MBD5: variants seen among roughly 807,000 people sequenced by gnomAD.
MBD5 encodes methyl-CpG-binding domain protein 5.
In MBD5, 13 loss-of-function variants were observed where a neutral mutation model predicts 117.3. The ratio of observed to expected loss-of-function variants is 0.11; its 90% confidence interval spans 0.07 to 0.18. The LOEUF (loss-of-function observed/expected upper bound fraction) is 0.18, where lower values mean the gene tolerates loss of function less well. Ranked by LOEUF, MBD5 falls within the 10% of genes least tolerant of loss-of-function variation. The pLI, the probability that MBD5 is intolerant of heterozygous loss-of-function variation, is 1.00. For synonymous variants in MBD5, 727 were observed against 766.4 expected (o/e 0.95, Z 0.85); for missense variants, 1,879 against 2,093.8 (o/e 0.90, Z 2.00).
intron 2 of MBD5, among the ~76,000 whole-genome samples, chr2:148,216,259 A>G (rs1038174890): frequency 6.6e-6 from 1 of 152,032 alleles, no homozygotes; most frequent in Non-Finnish European, 1.5e-5. Context: ...TCACAGATGC[A>G]TGCCTCAACT....
intron 1 of MBD5, among the ~76,000 whole-genome samples, chr2:148,147,541 C>A (rs1697499633): frequency 6.6e-6 from 1 of 152,086 alleles, no homozygotes; most frequent in Admixed American, 6.6e-5. Flanking sequence ...TGCCCAGCCC[C>A]AAACTGAACA....
At chr2:148,177,242 T>A (rs1558959817) in intron 1 of MBD5, among the ~76,000 whole-genome samples, 2 of 152,236 alleles carry the variant, frequency 1.3e-5, no homozygotes, top group African/African-American at 2.4e-5. Context: ...TAGTCAGTGT[T>A]CATATGTGTG....
intron 8 of MBD5, chr2:148,472,516 C>T (rs952302688): frequency 7.2e-5 from 11 of 152,072 alleles, no homozygotes; most frequent in Admixed American, 3.9e-4. Flanking sequence ...ATAACTCTTT[C>T]GATGAGCTAA....
At chr2:148,503,429 A>C (rs749777936) in intron 12 of MBD5, among the ~76,000 whole-genome samples, 1 of 152,168 alleles carries the variant, frequency 6.6e-6, no homozygotes, top group Non-Finnish European at 1.5e-5. Context: ...GATCAGAATG[A>C]TTCGTAGTGT....
chr2:148,324,144 G>A (rs1330437100), intron 3 of MBD5, among the ~76,000 whole-genome samples: 1 of 152,082 alleles, frequency 6.6e-6, no homozygotes, highest in East Asian at 1.9e-4. Flanking sequence ...TCAAAGATCA[G>A]GTAGTTGTAG....
intron 3 of MBD5, among the ~76,000 whole-genome samples, chr2:148,298,995 C>T (rs983574497): frequency 7.2e-5 from 11 of 152,162 alleles, no homozygotes; most frequent in African/African-American, 2.7e-4. Context: ...AAACTTTCTC[C>T]TTTCCCCATC....
intron 3 of MBD5, among the ~76,000 whole-genome samples, chr2:148,312,335 G>C (rs7590487): frequency 0.2 from 30,810 of 151,992 alleles, 3,240 homozygotes; most frequent in African/African-American, 0.21. Context: ...TTTCTTGGAG[G>C]CTTTGTTCGT....
chr2:148,431,614 C>T (rs558257871), intron 4 of MBD5, among the ~76,000 whole-genome samples: 1 of 152,234 alleles, frequency 6.6e-6, no homozygotes, highest in African/African-American at 2.4e-5. Context: ...GTTTAGCTTG[C>T]ACTTATAAGT....
chr2:148,357,642 GT>G (rs1703420533), intron 4 of MBD5, among the ~76,000 whole-genome samples: 1 of 149,914 alleles, frequency 6.7e-6, no homozygotes, highest in Admixed American at 6.6e-5. Flanking sequence ...TTTTTTTCTT[GT>G]TCTTTCCTTC....
chr2:148,230,311 A>T (rs1699952019), intron 2 of MBD5, among the ~76,000 whole-genome samples: 1 of 152,148 alleles, frequency 6.6e-6, no homozygotes, highest in African/African-American at 2.4e-5. Context: ...AAGGCAGAAG[A>T]GCCTCACCCT....
At chr2:148,489,310 T>C in intron 10 of MBD5, 76 bp from the exon 11 acceptor site, 1 of 1,564,944 alleles carries the variant, frequency 6.4e-7, no homozygotes, top group Non-Finnish European at 8.7e-7. Flanking sequence ...TGGTAAATTT[T>C]AAAATTATAG....
rs1481865615 is a variant in MBD5 at position 148,195,139 on chromosome 2, G to A, written c.-831+16346G>A. On this transcript the variant is annotated intron_variant, in intron 2 of 13. Coordinates refer to ENST00000642680, the MANE Select transcript of MBD5 (RefSeq NM_001378120.1). ...CTTTTTGTAGGGGGTTAGATATAGG[G>A]GGTAGACTCCTGCTATACTAAATAG... Among the ~76,000 whole-genome samples the A allele has an allele frequency of 4.0e-5, 6 of 151,620 alleles. No homozygotes were observed. The South Asian group carries it at 1.2e-3, about 31-fold the overall frequency.
chr2:148,135,429 C>CG (rs1366821586), intron 1 of MBD5, among the ~76,000 whole-genome samples: 2 of 152,164 alleles, frequency 1.3e-5, no homozygotes, highest in African/African-American at 4.8e-5. Context: ...TCAAAGACAA[C>CG]ATACTTTATT....
intron 1 of MBD5, among the ~76,000 whole-genome samples, chr2:148,051,614 TGTGTGTGTGTGTG>T (rs1401139538): frequency 1.1e-4 from 7 of 63,536 alleles, no homozygotes; most frequent in Non-Finnish European, 3.1e-4. Context: ...AGTGTGTGTG[TGTGTGTGTGTGTG>T]TGTGTGTGTG....
At chr2:148,406,699 A>C (rs1167986037) in intron 4 of MBD5, among the ~76,000 whole-genome samples, 2 of 152,182 alleles carry the variant, frequency 1.3e-5, no homozygotes, top group African/African-American at 4.8e-5. Context: ...CACTCAAGTT[A>C]CACTTCATTA....
Position 148,490,005 on chromosome 2 carries a change from G to C in MBD5, c.4373G>C (p.Ser1458Thr). The C allele has an allele frequency of 6.2e-7, 1 of 1,613,982 alleles. No individual in the cohort carries two copies. The part of the protein sequence containing the change: ...FLDHPGHIHS[S>T]PCHERPNNVS... The stretch of plus-strand genomic sequence containing the variant: ...GATCATCCAGGCCATATCCACAGTA[G>C]TCCTTGTCATGAAAGGCCCAACAAT... Residue 1458 changes from serine (S) to threonine (T), a missense_variant, in exon 11 of 14, where the codon AGT becomes ACT. Transcript: ENST00000642680.
At chr2:148,485,119 AATT>A (rs1290370742) in intron 9 of MBD5, 2 of 152,168 alleles carry the variant, frequency 1.3e-5, no homozygotes, top group Non-Finnish European at 2.9e-5. Context: ...ATATAAATTT[AATT>A]ATTAATCCTA....
At chr2:148,400,194 A>G (rs1478778784) in intron 4 of MBD5, among the ~76,000 whole-genome samples, 1 of 152,116 alleles carries the variant, frequency 6.6e-6, no homozygotes, top group Non-Finnish European at 1.5e-5. Flanking sequence ...ATGTTGATAG[A>G]ATCCTTTTTT....
At chr2:148,416,102 T>C (rs759700716) in intron 4 of MBD5, among the ~76,000 whole-genome samples, 3 of 152,178 alleles carry the variant, frequency 2.0e-5, no homozygotes, top group Non-Finnish European at 4.4e-5. Context: ...GTTCCTTCAG[T>C]CCTTGAAGTT....
Sources: gnomAD v4.1 joint callset for allele counts (sites outside exome capture counted in the v4.1 genomes callset) on GRCh38, gnomAD v4.1.1 for gene constraint, MANE v1.5 for transcripts, NCBI Gene and HGNC (gene_info 2026-07-23, HGNC 2026-07-21) for gene names.